Variants in GNAL observed in about 807,000 individuals in gnomAD.
The protein encoded by GNAL is guanine nucleotide-binding protein G(olf) subunit alpha.
GNAL carries 18 observed loss-of-function variants against 55.1 expected under a neutral mutation model. That is an observed-to-expected ratio of 0.33 (90% CI 0.23 to 0.48). The LOEUF (loss-of-function observed/expected upper bound fraction) is 0.48, where lower values mean the gene tolerates loss of function less well. GNAL is among the 20% of genes least tolerant of loss of function. The probability of loss-of-function intolerance (pLI) is 0.99; values close to 1 mark genes in which losing one functional copy is unlikely to be tolerated. For missense variants in GNAL, 412 were observed against 614.1 expected (o/e 0.67, Z 3.48); for synonymous variants, 253 against 237.0 (o/e 1.07, Z -0.62).
chr18:11,793,945 T>G (rs917118583), intron 4 of GNAL, among the ~76,000 whole-genome samples: 2 of 150,868 alleles, frequency 1.3e-5, no homozygotes, highest in African/African-American at 4.9e-5. Context: ...AAGGACTTGC[T>G]TAGCATTTAT....
rs1294858936 is a variant in GNAL, at chr18:11,851,672, A to G, written c.723-10723A>G. The G allele has an allele frequency of 2.5e-6, 4 of 1,613,942 alleles. No homozygotes were observed. Among genetic ancestry groups the G allele is most frequent in the Non-Finnish European group, 3.4e-6 (4 of 1,179,918 alleles). ...GAAGTTGCGAGGATACACGCCGAAAATGCCATCCGCCAGAAGAACCAGGCG... is the reference window on the plus strand; with the variant it reads ...GAAGTTGCGAGGATACACGCCGAAAGTGCCATCCGCCAGAAGAACCAGGCG... On this transcript the variant is annotated intron_variant, in intron 5 of 11. Coordinates refer to ENST00000334049, the MANE Select transcript of GNAL (RefSeq NM_182978.4).
At chr18:11,747,046 A>G (rs1003500101) in intron 1 of GNAL, 7 of 462,974 alleles carry the variant, frequency 1.5e-5, no homozygotes, top group African/African-American at 4.0e-5. Context: ...AGGGTTATGT[A>G]TATTTTCATG....
At chr18:11,819,680 A>G (rs913645466) in intron 4 of GNAL, among the ~76,000 whole-genome samples, 5 of 152,080 alleles carry the variant, frequency 3.3e-5, no homozygotes, top group African/African-American at 1.2e-4. Flanking sequence ...GTTACATTTT[A>G]CTGTGAATTA....
At chr18:11,737,061 T>G (rs899416938) in intron 1 of GNAL, among the ~76,000 whole-genome samples, 1 of 152,252 alleles carries the variant, frequency 6.6e-6, no homozygotes, top group African/African-American at 2.4e-5. Context: ...ATACTATTCT[T>G]TCTGTGAGCT....
chr18:11,702,216 G>A (rs1477080031), intron 1 of GNAL: 4 of 152,360 alleles, frequency 2.6e-5, no homozygotes, highest in Non-Finnish European at 5.9e-5. Context: ...ATCAGCCCCT[G>A]GAATTAGGCC....
intron 1 of GNAL, among the ~76,000 whole-genome samples, chr18:11,747,849 C>A (rs146173754): frequency 6.6e-6 from 1 of 152,188 alleles, no homozygotes; most frequent in Non-Finnish European, 1.5e-5. Flanking sequence ...CTGGCTCTGG[C>A]GCAGTCAGCC....
chr18:11,853,016 A>G (rs754264802), intron 5 of GNAL: 3 of 167,118 alleles, frequency 1.8e-5, no homozygotes, highest in Non-Finnish European at 2.9e-5. Flanking sequence ...CACTCTTAAC[A>G]TTGCCAAAGA....
chr18:11,832,252 A>G (rs1229834897), intron 5 of GNAL, among the ~76,000 whole-genome samples: 1 of 152,232 alleles, frequency 6.6e-6, no homozygotes, highest in Non-Finnish European at 1.5e-5. Context: ...TCTTATGCTC[A>G]GTACGACACA....
chr18:11,855,043 C>A (rs976358027), intron 5 of GNAL, among the ~76,000 whole-genome samples: 32 of 152,030 alleles, frequency 2.1e-4, no homozygotes, highest in Non-Finnish European at 4.0e-4. Context: ...GCCTCAGCCC[C>A]CTGAGTAGCT....
intron 1 of GNAL, among the ~76,000 whole-genome samples, chr18:11,710,048 T>C (rs2143356429): frequency 6.6e-6 from 1 of 152,348 alleles, no homozygotes; most frequent in Non-Finnish European, 1.5e-5. Context: ...TTTTTGTATC[T>C]ATTGAGATCA....
At chr18:11,715,144 CA>C (rs370865689) in intron 1 of GNAL, among the ~76,000 whole-genome samples, 27,038 of 140,874 alleles carry the variant, frequency 0.19, 4,972 homozygotes, top group African/African-American at 0.49. Flanking sequence ...GATCCTGTCT[CA>C]AAAAAAAAAA....
chr18:11,819,528 T>G (rs2035040535), intron 4 of GNAL, among the ~76,000 whole-genome samples: 1 of 152,132 alleles, frequency 6.6e-6, no homozygotes, highest in Non-Finnish European at 1.5e-5. Flanking sequence ...ATAACAAATA[T>G]TCACATATAT....
rs73946338 is a variant in GNAL at position 11,785,553 on chromosome 18, T to C, written c.624+31608T>C. Among the ~76,000 whole-genome samples the C allele has an allele frequency of 6.1e-3, 925 of 152,366 alleles. 9 individuals carry two copies. The highest frequency in any genetic ancestry group is 0.021 in the African/African-American group (875 of 41,584). ...TGGAGGCTGCAGGCCCCTGCCTCCT[T>C]AGAACCATGGTCCCTGGACAGCACT... On this transcript the variant is annotated intron_variant, in intron 4 of 11. Coordinates refer to ENST00000334049, the MANE Select transcript of GNAL (RefSeq NM_182978.4).
intron 5 of GNAL, among the ~76,000 whole-genome samples, chr18:11,842,956 G>A (rs908351191): frequency 6.6e-6 from 1 of 152,218 alleles, no homozygotes; most frequent in Non-Finnish European, 1.5e-5. Context: ...TGTTTCAGAA[G>A]AAACTGAATG....
chr18:11,752,642 C>A lies in GNAL; in HGVS notation c.377-211C>A. On this transcript the variant is annotated intron_variant, in intron 1 of 11. Coordinates refer to ENST00000334049, the MANE Select transcript of GNAL (RefSeq NM_182978.4). The surrounding 1 kb of genome is among the most constrained non-coding windows in gnomAD (Gnocchi z 4.5). The stretch of plus-strand genomic sequence containing the variant: ...GGAGCGCACAGCCAGGAGCGGCGAG[C>A]GCCAGGCTGGGCGGGCAGGGCCGGG... 2.8e-6 allele frequency: 4 copies of A among 1,454,052 alleles called. No individual in the cohort carries two copies. Among genetic ancestry groups the A allele is most frequent in the Non-Finnish European group, 3.6e-6 (4 of 1,107,694 alleles). The allele number at this position is 1,454,052 out of a possible 1,614,324, so 90.1% of individuals were successfully genotyped here. A position where few individuals can be genotyped will look rare whatever the true frequency, so the allele number is the denominator to read the frequency against.
rs569230008 is a variant in GNAL, at chr18:11,840,077, A to C, written c.722+15062A>C. Among the ~76,000 whole-genome samples the C allele has an allele frequency of 2.0e-5, 3 of 152,342 alleles. 1 individual carries two copies. In the South Asian group the frequency reaches 6.2e-4, roughly 32 times the overall value. On this transcript the variant is annotated intron_variant, in intron 5 of 11. Transcript: ENST00000334049. ...CATAATAACTAGGATCCATGATATC[A>C]ACAAAAGCTACCTTTGAACTATGGC...
chr18:11,780,377 A>T (rs9963874), intron 4 of GNAL, among the ~76,000 whole-genome samples: 14,660 of 97,698 alleles, frequency 0.15, 777 homozygotes, highest in African/African-American at 0.29. Flanking sequence ...TCTTATATTT[A>T]AAAAAAAAAA....
chr18:11,795,186 G>A (rs1032935109), intron 4 of GNAL, among the ~76,000 whole-genome samples: 12 of 152,018 alleles, frequency 7.9e-5, no homozygotes, highest in African/African-American at 2.9e-4. Context: ...GATCACTTGA[G>A]TCCAGGAGTT....
intron 11 of GNAL, among the ~76,000 whole-genome samples, chr18:11,879,586 T>C (rs898288812): frequency 4.6e-5 from 7 of 152,300 alleles, no homozygotes; most frequent in Admixed American, 4.6e-4. Context: ...CCTAATGACC[T>C]CATTTTACCG....
Sources: gnomAD v4.1 joint callset for allele counts (sites outside exome capture counted in the v4.1 genomes callset) on GRCh38, gnomAD v4.1.1 for gene constraint, Gnocchi (gnomAD v3.1) non-coding constraint, MANE v1.5 for transcripts, NCBI Gene and HGNC (gene_info 2026-07-23, HGNC 2026-07-21) for gene names.